PPP2R5C: variants seen among roughly 807,000 people sequenced by gnomAD.
PPP2R5C encodes the protein serine/threonine-protein phosphatase 2A 56 kDa regulatory subunit gamma isoform.
A neutral mutation model predicts 68.9 loss-of-function variants in PPP2R5C; 7 were observed. The observed-to-expected ratio is 0.10, with a 90% CI of 0.06 to 0.19. The LOEUF (loss-of-function observed/expected upper bound fraction) is 0.19. PPP2R5C is among the 10% of genes least tolerant of loss of function. The pLI, the probability that PPP2R5C is intolerant of heterozygous loss-of-function variation, is 1.00. For synonymous variants in PPP2R5C, 210 were observed against 222.2 expected (o/e 0.95, Z 0.49); for missense variants, 348 against 641.3 (o/e 0.54, Z 4.94).
chr14:101,815,144 C>T (rs555448814), intron 1 of PPP2R5C, among the ~76,000 whole-genome samples: 50 of 152,236 alleles, frequency 3.3e-4, no homozygotes, highest in African/African-American at 1.0e-3. Context: ...CACTCACTAC[C>T]GCCCCTGCCT....
chr14:101,777,678 C>T (rs1033749092), intron 2 of PPP2R5C, among the ~76,000 whole-genome samples: 1 of 152,194 alleles, frequency 6.6e-6, no homozygotes, highest in East Asian at 1.9e-4. Context: ...TTTAACTTGC[C>T]GAAGAACCAC....
chr14:101,776,469 C>A (rs1443581329), intron 2 of PPP2R5C, among the ~76,000 whole-genome samples: 2 of 152,128 alleles, frequency 1.3e-5, no homozygotes, highest in Non-Finnish European at 2.9e-5. Context: ...TGAGGAAGCA[C>A]ACCTGTTGTT....
At chr14:101,814,259 C>G (rs993237763) in intron 1 of PPP2R5C, among the ~76,000 whole-genome samples, 1 of 152,232 alleles carries the variant, frequency 6.6e-6, no homozygotes, top group African/African-American at 2.4e-5. Flanking sequence ...ACAAACATCT[C>G]TTTACTATGT....
In PPP2R5C at chr14:101,913,067, G is replaced by A. The variant is rs2046481122; in HGVS notation, c.1326+594G>A. On this transcript the variant is annotated intron_variant, in intron 12 of 13. Transcript: ENST00000334743. The surrounding 1 kb of genome is among the most constrained non-coding windows in gnomAD (Gnocchi z 4.1). The stretch of plus-strand genomic sequence containing the variant: ...GAGCTGCCGGCAGTTCCAGCTGCCG[G>A]GGCTGCCAGGGTCCGGGAGGGTTTC... 6.6e-6 allele frequency among the ~76,000 whole-genome samples: 1 copy of A among 152,210 alleles called. No homozygotes were observed. Among genetic ancestry groups the A allele is most frequent in the African/African-American group, 2.4e-5 (1 of 41,450 alleles).
At chr14:101,817,340 G>C (rs78571641) in intron 1 of PPP2R5C, among the ~76,000 whole-genome samples, 1 of 151,978 alleles carries the variant, frequency 6.6e-6, no homozygotes, top group Admixed American at 6.6e-5. Context: ...TTTAAAAAGG[G>C]TCTGCTTTGG....
At chr14:101,807,278 TTTA>T (rs2039115286), upstream of PPP2R5C, among the ~76,000 whole-genome samples, 3 of 152,228 alleles carry the variant, frequency 2.0e-5, no homozygotes, top group South Asian at 6.2e-4. Flanking sequence ...AGATATACTC[TTTA>T]TTATATTACA....
rs1164751716 is a variant in PPP2R5C at position 101,837,855 on chromosome 14, A to G, written c.95-18831A>G. ...CGAAGGAGGTGCTGTCCTCATCCGC[A>G]TTTCACAGATGGGGGAATGGGAAGG... On this transcript the variant is annotated intron_variant, in intron 1 of 13. Transcript: ENST00000334743. Among the ~76,000 whole-genome samples, 9 of 152,204 alleles carry G rather than the reference A, an allele frequency of 5.9e-5. No homozygotes were observed. In the East Asian group the frequency reaches 1.7e-3, roughly 29 times the overall value.
At chr14:101,903,929 C>T (rs1194363128) in intron 9 of PPP2R5C, among the ~76,000 whole-genome samples, 4 of 152,146 alleles carry the variant, frequency 2.6e-5, no homozygotes, top group African/African-American at 4.8e-5. Context: ...CCACCTCGGC[C>T]TCCCAAAGTG....
chr14:101,831,294 CATT>C (rs1383026601), intron 1 of PPP2R5C, among the ~76,000 whole-genome samples: 1 of 152,226 alleles, frequency 6.6e-6, no homozygotes, highest in Non-Finnish European at 1.5e-5. Flanking sequence ...TTATATATGA[CATT>C]ATGTTTATTT....
At chr14:101,921,362 C>T (rs2046996504) in intron 13 of PPP2R5C, 1 of 153,074 alleles carries the variant, frequency 6.5e-6, no homozygotes, top group Non-Finnish European at 1.5e-5. Flanking sequence ...CCGCGCCCAG[C>T]CAATAAACTT....
chr14:101,856,987 T>G, intron 2 of PPP2R5C, 102 bp downstream of exon 4: 1 of 1,116,986 alleles, frequency 9.0e-7, no homozygotes, highest in South Asian at 1.5e-5. Flanking sequence ...AGAAGAATCC[T>G]CCTGTTCCAG....
intron 1 of PPP2R5C, among the ~76,000 whole-genome samples, chr14:101,810,677 T>A (rs2140189331): frequency 6.6e-6 from 1 of 152,376 alleles, no homozygotes; most frequent in African/African-American, 2.4e-5. Flanking sequence ...ATAGGCTCTG[T>A]GTTGCCAGTT....
intron 11 of PPP2R5C, 76 bp from the exon 14 acceptor site, chr14:101,912,325 C>G: frequency 7.7e-7 from 1 of 1,297,984 alleles, no homozygotes; most frequent in Non-Finnish European, 1.0e-6. Context: ...GCTCAACATG[C>G]CTGTGCCTTT....
chr14:101,903,862 G>C (rs1235899861), intron 9 of PPP2R5C, among the ~76,000 whole-genome samples: 1 of 151,790 alleles, frequency 6.6e-6, no homozygotes, highest in African/African-American at 2.4e-5. Context: ...TTTTAGTAGA[G>C]ACGGGGTTTC....
At chr14:101,769,844 T>A (rs552301369) in intron 2 of PPP2R5C, among the ~76,000 whole-genome samples, 1 of 152,328 alleles carries the variant, frequency 6.6e-6, no homozygotes, top group East Asian at 1.9e-4. Context: ...TATGCATCAC[T>A]TAATGAGGGG....
At chr14:101,796,119 C>T (rs906440374) in intron 3 of PPP2R5C, among the ~76,000 whole-genome samples, 12 of 152,152 alleles carry the variant, frequency 7.9e-5, no homozygotes, top group Non-Finnish European at 1.0e-4. Context: ...GCCACTGCGC[C>T]CTGCCTATTT....
At chr14:101,764,939 A>G (rs1566818066) in intron 2 of PPP2R5C, among the ~76,000 whole-genome samples, 1 of 151,772 alleles carries the variant, frequency 6.6e-6, no homozygotes, top group East Asian at 1.9e-4. Flanking sequence ...CAGTGTGTAT[A>G]TATCATTTAT....
At chr14:101,803,697 TC>T (rs1482664319) in intron 3 of PPP2R5C, among the ~76,000 whole-genome samples, 1 of 149,104 alleles carries the variant, frequency 6.7e-6, no homozygotes, top group African/African-American at 2.5e-5. Flanking sequence ...GCACTTGCAC[TC>T]CAGCCTGGAC....
At chr14:101,818,355 T>C (rs1188629733) in intron 1 of PPP2R5C, 1 of 152,196 alleles carries the variant, frequency 6.6e-6, no homozygotes, top group African/African-American at 2.4e-5. Flanking sequence ...AAGTTGGTAT[T>C]ACAGGCGCAG....
Sources: allele counts gnomAD v4.1 joint callset (sites outside exome capture counted in the v4.1 genomes callset), GRCh38; gene constraint gnomAD v4.1.1; non-coding constraint Gnocchi (gnomAD v3.1); transcripts MANE v1.5; gene names NCBI Gene and HGNC (gene_info 2026-07-23, HGNC 2026-07-21).